The following CHSY3 variants were observed in gnomAD, a reference collection of about 807,000 sequenced individuals.
The protein encoded by CHSY3 is chondroitin sulfate synthase 3.
Under a neutral mutation model 67.2 loss-of-function variants are expected in CHSY3, and 35 were observed. The ratio of observed to expected loss-of-function variants is 0.52; its 90% CI spans 0.40 to 0.69. The LOEUF (loss-of-function observed/expected upper bound fraction) is 0.69. CHSY3 is among the 30% of genes least tolerant of loss of function. The pLI is 0.00. For missense variants in CHSY3, 1,069 were observed against 1,138.5 expected (o/e 0.94, Z 0.88); for synonymous variants, 474 against 434.7 (o/e 1.09, Z -1.12).
chr5:130,159,278 C>T (rs1429930062), intron 2 of CHSY3, among the ~76,000 whole-genome samples: 1 of 151,434 alleles, frequency 6.6e-6, no homozygotes. Flanking sequence ...GATCCTCCCA[C>T]CCCAGCCTCC....
chr5:129,912,308 T>C (rs1461539472), intron 2 of CHSY3, among the ~76,000 whole-genome samples: 1 of 152,124 alleles, frequency 6.6e-6, no homozygotes, highest in Non-Finnish European at 1.5e-5. Flanking sequence ...GCCAGAACAA[T>C]GGCCCCCTTT....
chr5:130,030,508 G>A (rs1387939659), intron 2 of CHSY3, among the ~76,000 whole-genome samples: 2 of 152,026 alleles, frequency 1.3e-5, no homozygotes, highest in African/African-American at 4.8e-5. Flanking sequence ...TATAATACTG[G>A]TGCTTAGAAC....
chr5:129,972,593 G>A (rs1762674195), intron 2 of CHSY3, among the ~76,000 whole-genome samples: 1 of 151,652 alleles, frequency 6.6e-6, no homozygotes, highest in African/African-American at 2.4e-5. Context: ...CTACTGGCCT[G>A]ATCTCTGCAG....
intron 2 of CHSY3, among the ~76,000 whole-genome samples, chr5:130,010,546 C>T (rs1764025388): frequency 6.6e-6 from 1 of 152,072 alleles, no homozygotes; most frequent in South Asian, 2.1e-4. Context: ...CTTAAGTTAA[C>T]AGCTAAGAGC....
At chr5:129,919,482 T>C (rs1198038135) in intron 2 of CHSY3, among the ~76,000 whole-genome samples, 7 of 152,178 alleles carry the variant, frequency 4.6e-5, no homozygotes, top group Non-Finnish European at 1.0e-4. Flanking sequence ...GACTCACAGT[T>C]CCACGTGGCT....
chr5:130,086,744 G>A (rs960368234), intron 2 of CHSY3, among the ~76,000 whole-genome samples: 136 of 152,028 alleles, frequency 8.9e-4, no homozygotes, highest in Non-Finnish European at 1.6e-3. Flanking sequence ...CAACCAAAAA[G>A]AGTCCAGGAC....
chr5:130,162,951 A>G (rs1235688784), intron 2 of CHSY3, among the ~76,000 whole-genome samples: 1 of 152,104 alleles, frequency 6.6e-6, no homozygotes, highest in African/African-American at 2.4e-5. Context: ...ATTACCTCCA[A>G]GTTTATTTGT....
chr5:130,030,287 GT>G (rs1764670360), intron 2 of CHSY3, among the ~76,000 whole-genome samples: 1 of 152,026 alleles, frequency 6.6e-6, no homozygotes. Flanking sequence ...CAGATTTAGA[GT>G]TTTAATGACT....
At chr5:130,157,191 T>C (rs1448972115) in intron 2 of CHSY3, among the ~76,000 whole-genome samples, 1 of 152,198 alleles carries the variant, frequency 6.6e-6, no homozygotes, top group Admixed American at 6.5e-5. Context: ...TTAAAACCTG[T>C]GAAGATTAAT....
At chr5:130,139,347 A>G (rs1056690420) in intron 2 of CHSY3, among the ~76,000 whole-genome samples, 4 of 152,164 alleles carry the variant, frequency 2.6e-5, no homozygotes, top group Non-Finnish European at 4.4e-5. Context: ...GCAGGTGATT[A>G]TTTTTCCCAT....
At chr5:129,937,039 C>T (rs1221651581) in intron 2 of CHSY3, among the ~76,000 whole-genome samples, 1 of 152,200 alleles carries the variant, frequency 6.6e-6, no homozygotes, top group Non-Finnish European at 1.5e-5. Context: ...CTTTCTCACT[C>T]TCGTTCTCTT....
At chr5:129,939,596 GA>G (rs1489674662) in intron 2 of CHSY3, among the ~76,000 whole-genome samples, 3 of 152,120 alleles carry the variant, frequency 2.0e-5, no homozygotes, top group Admixed American at 6.6e-5. Flanking sequence ...CTCCAAATAA[GA>G]AATGAAAACC....
intron 2 of CHSY3, among the ~76,000 whole-genome samples, chr5:129,926,768 T>C (rs770761678): frequency 1.3e-4 from 20 of 151,934 alleles, no homozygotes; most frequent in Non-Finnish European, 2.2e-4. Context: ...TTTATAGTTT[T>C]GTTTGTGTTT....
In CHSY3 at chr5:129,908,380, G is replaced by A. The variant is rs779496900; in HGVS notation, c.1086+20G>A. ...TACGAGGTAAGCATGGAGCTGTGAT[G>A]AAAATGTTCACATAGTACATATACA... On this transcript the variant is annotated intron_variant, in intron 2 of 2. Coordinates refer to ENST00000305031, the MANE Select transcript of CHSY3 (RefSeq NM_175856.5). 11 of 1,611,714 alleles carry A rather than the reference G, an allele frequency of 6.8e-6. No individual in the cohort carries two copies. In the South Asian group the frequency reaches 1.1e-4, roughly 16 times the overall value.
chr5:129,997,698 C>T (rs530056883), intron 2 of CHSY3, among the ~76,000 whole-genome samples: 29 of 152,186 alleles, frequency 1.9e-4, no homozygotes, highest in African/African-American at 5.8e-4. Context: ...TGATGTTTCC[C>T]GCCCTGTGTC....
chr5:130,003,487 T>G (rs189323951), intron 2 of CHSY3, among the ~76,000 whole-genome samples: 210 of 152,264 alleles, frequency 1.4e-3, no homozygotes, highest in African/African-American at 4.8e-3. Context: ...CAAGTTAGGC[T>G]CAGTGAAAGG....
chr5:130,168,742 A>C lies in CHSY3; in HGVS notation c.1087-15487A>C, dbSNP rs147025615. ...TTCTTAAATATTAGGCCTAGGCTAC[A>C]CTCTAGGAGCTGGTCATCTAGAAAG... On this transcript the variant is annotated intron_variant, in intron 2 of 2. Transcript: ENST00000305031. Among the ~76,000 whole-genome samples the C allele has an allele frequency of 4.1e-3, 619 of 152,186 alleles. 8 individuals are homozygous for C. The highest frequency in any genetic ancestry group is 0.035 in the South Asian group (171 of 4,830).
At chr5:129,999,062 AC>A (rs1763637672) in intron 2 of CHSY3, among the ~76,000 whole-genome samples, 1 of 151,352 alleles carries the variant, frequency 6.6e-6, no homozygotes, top group East Asian at 1.9e-4. Context: ...AATGTTTAAA[AC>A]CCTGATCCAT....
At chr5:130,144,745 G>T (rs1769019748) in intron 2 of CHSY3, among the ~76,000 whole-genome samples, 1 of 152,098 alleles carries the variant, frequency 6.6e-6, no homozygotes, top group East Asian at 1.9e-4. Context: ...TCCACTGCCT[G>T]ACTTCAAAAT....
Sources: gnomAD v4.1 joint callset for allele counts (sites outside exome capture counted in the v4.1 genomes callset) on GRCh38, gnomAD v4.1.1 for gene constraint, MANE v1.5 for transcripts, NCBI Gene and HGNC (gene_info 2026-07-23, HGNC 2026-07-21) for gene names.